The following HCRTR2 variants were observed in gnomAD, a reference collection of about 807,000 sequenced individuals.
The protein encoded by HCRTR2 is hypocretin receptor 2, also known as orexin receptor type 2.
In HCRTR2, 22 loss-of-function variants were observed where a neutral mutation model predicts 49.0. That is an observed-to-expected ratio of 0.45 (90% CI 0.32 to 0.64). The LOEUF is 0.64. Among genes scored for constraint, HCRTR2 ranks in the 30% least tolerant of loss-of-function variants. HCRTR2 has a pLI of 0.04. For missense variants in HCRTR2, 491 were observed against 559.4 expected, an observed-to-expected ratio of 0.88 and a Z score of 1.23; for synonymous variants, 236 against 205.3, an observed-to-expected ratio of 1.15 and a Z score of -1.28.
chr6:55,134,853 TTCTC>T (rs1321036152), intron 1 of HCRTR2, among the ~76,000 whole-genome samples: 2 of 152,004 alleles, frequency 1.3e-5, no homozygotes, highest in Non-Finnish European at 2.9e-5. Flanking sequence ...CTCTCTCTCT[TTCTC>T]TGTGTGTATA....
At chr6:55,166,479 C>T (rs1554169261) in intron 1 of HCRTR2, among the ~76,000 whole-genome samples, 1 of 151,816 alleles carries the variant, frequency 6.6e-6, no homozygotes, top group Non-Finnish European at 1.5e-5. Context: ...TGTTAAGAGA[C>T]TTAAAACACA....
chr6:55,132,472 C>A (rs1764371262), intron 1 of HCRTR2, among the ~76,000 whole-genome samples: 1 of 151,892 alleles, frequency 6.6e-6, no homozygotes, highest in African/African-American at 2.4e-5. Context: ...ACACACTATG[C>A]ATGCCAATCC....
At chr6:55,178,842 C>G (rs1047466408) in intron 1 of HCRTR2, among the ~76,000 whole-genome samples, 1 of 152,164 alleles carries the variant, frequency 6.6e-6, no homozygotes, top group Admixed American at 6.6e-5. Flanking sequence ...TGCTTTCTCT[C>G]TCAACTTAAA....
intron 1 of HCRTR2, among the ~76,000 whole-genome samples, chr6:55,147,602 C>A (rs1251108399): frequency 1.3e-5 from 2 of 152,140 alleles, no homozygotes; most frequent in East Asian, 3.8e-4. Context: ...ACTCAAGGGT[C>A]TCTCAGGTTC....
At chr6:55,120,396 T>C (rs1764180193) in intron 1 of HCRTR2, among the ~76,000 whole-genome samples, 1 of 152,126 alleles carries the variant, frequency 6.6e-6, no homozygotes, top group African/African-American at 2.4e-5. Flanking sequence ...GAGCATGGAA[T>C]GTTTTTCTAT....
At chr6:55,251,702 T>C (rs990024044) in intron 2 of HCRTR2, among the ~76,000 whole-genome samples, 3 of 152,062 alleles carry the variant, frequency 2.0e-5, no homozygotes. Flanking sequence ...TTTTCATTTC[T>C]CCTTATAGTG....
intron 1 of HCRTR2, among the ~76,000 whole-genome samples, chr6:55,186,123 G>A (rs1371341464): frequency 6.6e-6 from 1 of 152,126 alleles, no homozygotes; most frequent in Non-Finnish European, 1.5e-5. Flanking sequence ...TAAGTAAAAG[G>A]TAAGCTGCAT....
intron 1 of HCRTR2, among the ~76,000 whole-genome samples, chr6:55,145,898 A>G (rs755430600): frequency 6.6e-6 from 1 of 151,854 alleles, no homozygotes; most frequent in Non-Finnish European, 1.5e-5. Context: ...CTACATTTCT[A>G]CTCATCATAT....
chr6:55,160,973 C>A (rs1054393467), intron 1 of HCRTR2, among the ~76,000 whole-genome samples: 2 of 152,054 alleles, frequency 1.3e-5, no homozygotes, highest in African/African-American at 4.8e-5. Flanking sequence ...CAGCTCTGGA[C>A]CAAGCAGGCC....
intron 1 of HCRTR2, among the ~76,000 whole-genome samples, chr6:55,133,983 T>C (rs1764398674): frequency 1.3e-5 from 2 of 152,034 alleles, no homozygotes; most frequent in South Asian, 4.1e-4. Flanking sequence ...TGGTCAAATG[T>C]CACTTAGTAA....
At chr6:55,271,992 C>T (rs976581669) in intron 4 of HCRTR2, among the ~76,000 whole-genome samples, 1 of 152,058 alleles carries the variant, frequency 6.6e-6, no homozygotes, top group Non-Finnish European at 1.5e-5. Flanking sequence ...CCACATTACC[C>T]ACTAATTCAA....
chr6:55,224,365 C>G (rs751658058), intron 1 of HCRTR2, among the ~76,000 whole-genome samples: 1 of 152,044 alleles, frequency 6.6e-6, no homozygotes, highest in Admixed American at 6.6e-5. Flanking sequence ...CGCCTGTAAT[C>G]GCAGCACTTT....
intron 1 of HCRTR2, among the ~76,000 whole-genome samples, chr6:55,148,535 G>C (rs1014725160): frequency 1.3e-5 from 2 of 152,100 alleles, no homozygotes; most frequent in African/African-American, 4.8e-5. Flanking sequence ...CTTCAAACTT[G>C]AGTGTAAGAA....
intron 4 of HCRTR2, among the ~76,000 whole-genome samples, chr6:55,268,761 A>G (rs1180758177): frequency 6.6e-6 from 1 of 152,160 alleles, no homozygotes; most frequent in African/African-American, 2.4e-5. Flanking sequence ...CTAGACAATT[A>G]TAGTTGAAAA....
intron 4 of HCRTR2, among the ~76,000 whole-genome samples, chr6:55,266,213 T>C (rs1766857546): frequency 6.6e-6 from 1 of 152,204 alleles, no homozygotes; most frequent in Non-Finnish European, 1.5e-5. Context: ...TGAATTGGTA[T>C]ATGTGACTAT....
chr6:55,167,218 A>C (rs781026255), intron 1 of HCRTR2, among the ~76,000 whole-genome samples: 1 of 152,166 alleles, frequency 6.6e-6, no homozygotes, highest in Non-Finnish European at 1.5e-5. Flanking sequence ...ATTTCCACAC[A>C]AGGTGGGATC....
chr6:55,227,537 A>G (rs922383876), intron 1 of HCRTR2, among the ~76,000 whole-genome samples: 1 of 152,244 alleles, frequency 6.6e-6, no homozygotes, highest in African/African-American at 2.4e-5. Context: ...GGAATTTTGT[A>G]CTGCATTAAA....
intron 1 of HCRTR2, among the ~76,000 whole-genome samples, chr6:55,226,723 T>TGTTTTTTTTG (rs1190341068): frequency 7.3e-6 from 1 of 137,710 alleles, no homozygotes; most frequent in African/African-American, 2.8e-5. Flanking sequence ...TTTTTTTTTT[T>TGTTTTTTTTG]TTTTTTTTTT....
At chr6:55,204,802 T>A (rs1328272991) in intron 1 of HCRTR2, among the ~76,000 whole-genome samples, 1 of 152,010 alleles carries the variant, frequency 6.6e-6, no homozygotes, top group Non-Finnish European at 1.5e-5. Flanking sequence ...CCCTTCCCTT[T>A]GGAGATAGGG....
Sources: allele counts gnomAD v4.1 joint callset (sites outside exome capture counted in the v4.1 genomes callset), GRCh38; gene constraint gnomAD v4.1.1; transcripts MANE v1.5; gene names NCBI Gene and HGNC (gene_info 2026-07-23, HGNC 2026-07-21).